Variants in PEPD observed in about 807,000 individuals in gnomAD.
PEPD encodes peptidase D, also known as xaa-Pro dipeptidase.
PEPD carries 53 observed loss-of-function variants against 60.7 expected under a neutral mutation model. The observed-to-expected ratio is 0.87, with a 90% CI of 0.70 to 1.10. The LOEUF (loss-of-function observed/expected upper bound fraction) is 1.10, where lower values mean the gene tolerates loss of function less well. Ranked by LOEUF, PEPD falls within the 50% of genes least tolerant of loss-of-function variation. The probability of loss-of-function intolerance (pLI) is 0.00; values close to 1 mark genes in which losing one functional copy is unlikely to be tolerated. For synonymous variants in PEPD, 267 were observed against 284.1 expected (o/e 0.94, Z 0.60); for missense variants, 711 against 711.9 (o/e 1.00, Z 0.01).
At chr19:33,452,931 C>T (rs1969723339) in intron 9 of PEPD, among the ~76,000 whole-genome samples, 2 of 152,120 alleles carry the variant, frequency 1.3e-5, no homozygotes, top group South Asian at 4.1e-4. Flanking sequence ...AACATGATCT[C>T]AAAAACCTTG....
chr19:33,512,753 T>C lies in PEPD; in HGVS notation c.41A>G (p.Glu14Gly). Residue 14 changes from glutamate to glycine, a missense_variant, in exon 2 of 15, where the codon GAA (glutamate) becomes GGA (glycine). By Grantham distance (98) the Glu-to-Gly change is moderately conservative. Transcript: ENST00000244137. Reference sequence around the variant, plus strand: ...GAGCGCCAGCGGCACCTTCAGGGTTTCATTCCCCAGCCAAAACGAGGGTCT... The same window carrying C: ...GAGCGCCAGCGGCACCTTCAGGGTTCCATTCCCCAGCCAAAACGAGGGTCT... ...ATGPSFWLGN[E>G]TLKVPLALFA... The C allele has an allele frequency of 6.2e-7, 1 of 1,614,132 alleles. No individual in the cohort carries two copies. The highest frequency in any genetic ancestry group is 8.5e-7 in the Non-Finnish European group (1 of 1,180,014).
intron 6 of PEPD, among the ~76,000 whole-genome samples, chr19:33,481,915 G>A (rs533567656): frequency 6.6e-6 from 1 of 152,160 alleles, no homozygotes; most frequent in African/African-American, 2.4e-5. Flanking sequence ...CAGCTACTTA[G>A]GAGGCTGAGG....
intron 10 of PEPD, 52 bp downstream of exon 10, chr19:33,413,523 C>T: frequency 4.9e-6 from 5 of 1,026,402 alleles, no homozygotes; most frequent in Non-Finnish European, 7.5e-6. Flanking sequence ...TCACTAACTG[C>T]CCTACCTCCT....
At chr19:33,417,947 G>A (rs1056592777) in intron 9 of PEPD, among the ~76,000 whole-genome samples, 2 of 152,206 alleles carry the variant, frequency 1.3e-5, no homozygotes, top group Non-Finnish European at 2.9e-5. Context: ...GCAAAAACGC[G>A]GAGGTGTGTC....
intron 9 of PEPD, 171 bp downstream of exon 9, chr19:33,462,824 G>A (rs1249178869): frequency 8.8e-6 from 6 of 678,680 alleles, no homozygotes; most frequent in African/African-American, 1.8e-5. Flanking sequence ...GAGCCAGGGA[G>A]GCGGGCGCAG....
chr19:33,473,954 C>T (rs1970171669), intron 7 of PEPD, among the ~76,000 whole-genome samples: 1 of 152,188 alleles, frequency 6.6e-6, no homozygotes, highest in African/African-American at 2.4e-5. Flanking sequence ...GACAGCCGAA[C>T]AAAAATGAGA....
At position 33,512,582 on chromosome 19, in the gene PEPD, G is replaced by A. The variant is rs1970947701; in HGVS notation, c.201+11C>T. 1.2e-6 allele frequency: 2 copies of A among 1,612,440 alleles called. No homozygotes were observed. The highest frequency in any genetic ancestry group is 2.7e-5 in the African/African-American group (2 of 74,920). ...ACACCTGCTCACTTGTGGCCAAGCG[G>A]GGAGGCTCACCTGGCGGAAGAGGAC... is the stretch of plus-strand genomic sequence containing the variant. On this transcript the variant is annotated intron_variant, in intron 2 of 14. Transcript: ENST00000244137.
At chr19:33,408,508 G>A (rs1968692107) in intron 11 of PEPD, among the ~76,000 whole-genome samples, 1 of 152,218 alleles carries the variant, frequency 6.6e-6, no homozygotes, top group African/African-American at 2.4e-5. Context: ...TCATATCTGG[G>A]ACTGTGGAGA....
intron 7 of PEPD, among the ~76,000 whole-genome samples, chr19:33,467,500 G>C (rs1970043322): frequency 6.6e-6 from 1 of 152,108 alleles, no homozygotes; most frequent in African/African-American, 2.4e-5. Flanking sequence ...TGTGTAGAGA[G>C]AGCAGGGCCC....
intron 3 of PEPD, among the ~76,000 whole-genome samples, chr19:33,507,278 C>G (rs1970832125): frequency 6.6e-6 from 1 of 152,154 alleles, no homozygotes; most frequent in Non-Finnish European, 1.5e-5. Flanking sequence ...CTCACAGAGG[C>G]CCACAGCCAA....
At chr19:33,442,677 C>G (rs549348378) in intron 9 of PEPD, among the ~76,000 whole-genome samples, 33 of 151,706 alleles carry the variant, frequency 2.2e-4, no homozygotes, top group Non-Finnish European at 4.3e-4. Context: ...CCACTGCACT[C>G]CAGCCTGGGC....
chr19:33,427,876 G>A (rs1358162316), intron 9 of PEPD, among the ~76,000 whole-genome samples: 1 of 152,160 alleles, frequency 6.6e-6, no homozygotes. Flanking sequence ...CCCAAAGCCA[G>A]TAGATTGCTA....
At chr19:33,398,511 A>C (rs954948871) in intron 12 of PEPD, among the ~76,000 whole-genome samples, 3 of 152,204 alleles carry the variant, frequency 2.0e-5, no homozygotes, top group South Asian at 2.1e-4. Context: ...TGCCCGGCGG[A>C]GGGCTCTCCG....
chr19:33,457,398 C>T (rs73590219), intron 9 of PEPD, among the ~76,000 whole-genome samples: 1,826 of 152,280 alleles, frequency 0.012, 39 homozygotes, highest in African/African-American at 0.041. Flanking sequence ...CCCAGAGGGG[C>T]GTCCTCTCTG....
At chr19:33,427,875 A>T (rs1228720176) in intron 9 of PEPD, among the ~76,000 whole-genome samples, 1 of 152,194 alleles carries the variant, frequency 6.6e-6, no homozygotes, top group Non-Finnish European at 1.5e-5. Flanking sequence ...CCCCAAAGCC[A>T]GTAGATTGCT....
At chr19:33,454,766 A>C (rs1024192449) in intron 9 of PEPD, among the ~76,000 whole-genome samples, 1 of 152,218 alleles carries the variant, frequency 6.6e-6, no homozygotes, top group African/African-American at 2.4e-5. Flanking sequence ...GCTTTCCAAG[A>C]GTACAGAAGA....
chr19:33,462,831 G>T (rs1969951827), intron 9 of PEPD, 164 bp downstream of exon 9: 1 of 694,212 alleles, frequency 1.4e-6, no homozygotes, highest in Admixed American at 2.0e-5. Flanking sequence ...GGAGGCGGGC[G>T]CAGTCAGAAG....
At chr19:33,508,722 TA>T (rs1970862356) in intron 3 of PEPD, among the ~76,000 whole-genome samples, 2 of 152,214 alleles carry the variant, frequency 1.3e-5, no homozygotes, top group African/African-American at 4.8e-5. Flanking sequence ...GTTTACAGTC[TA>T]GCCTCAGACG....
At chr19:33,425,477 AG>A (rs1969125625) in intron 9 of PEPD, among the ~76,000 whole-genome samples, 1 of 152,146 alleles carries the variant, frequency 6.6e-6, no homozygotes, top group Non-Finnish European at 1.5e-5. Flanking sequence ...AGGGGCGAGC[AG>A]GGGCAAGGGG....
Sources: allele counts gnomAD v4.1 joint callset (sites outside exome capture counted in the v4.1 genomes callset), GRCh38; gene constraint gnomAD v4.1.1; transcripts MANE v1.5; gene names NCBI Gene and HGNC (gene_info 2026-07-23, HGNC 2026-07-21).